NCAPD3: variants seen among roughly 807,000 people sequenced by gnomAD.
The protein encoded by NCAPD3 is condensin-2 complex subunit D3.
In NCAPD3, 105 loss-of-function variants were observed where a neutral mutation model predicts 182.9. The ratio of observed to expected loss-of-function variants is 0.57; its 90% CI spans 0.49 to 0.68. The LOEUF (loss-of-function observed/expected upper bound fraction) is 0.68, where lower values mean the gene tolerates loss of function less well. Ranked by LOEUF, NCAPD3 falls within the 30% of genes least tolerant of loss-of-function variation. The probability of loss-of-function intolerance (pLI) is 0.00; values close to 1 mark genes in which losing one functional copy is unlikely to be tolerated. For synonymous variants in NCAPD3, 815 were observed against 679.9 expected (o/e 1.20, Z -3.09); for missense variants, 1,944 against 1,837.0 (o/e 1.06, Z -1.07).
intron 7 of NCAPD3, among the ~76,000 whole-genome samples, chr11:134,208,541 A>G (rs1356399449): frequency 2.0e-5 from 3 of 152,240 alleles, no homozygotes; most frequent in Admixed American, 2.0e-4. Context: ...GTAAGTGTTC[A>G]GCAGCTCATC....
rs766818555 is a variant in NCAPD3, at chr11:134,168,202, G to C, written c.3374-7C>G. 6.2e-7 allele frequency: 1 copy of C among 1,612,510 alleles called. No individual in the cohort carries two copies. Among genetic ancestry groups the C allele is most frequent in the Non-Finnish European group, 8.5e-7 (1 of 1,178,642 alleles). The stretch of plus-strand genomic sequence containing the variant: ...ATGCCATCAGCAAAGCACGCTGAGA[G>C]ACAGAGAGAGAGAAAAACGTGAGCT... On this transcript the variant is annotated splice_region_variant and splice_polypyrimidine_tract_variant and intron_variant, in intron 26 of 34. Coordinates refer to ENST00000534548, the MANE Select transcript of NCAPD3 (RefSeq NM_015261.3).
chr11:134,185,211 T>C (rs1944378596), intron 17 of NCAPD3, 124 bp downstream of exon 17: 3 of 965,060 alleles, frequency 3.1e-6, no homozygotes, highest in Admixed American at 2.9e-5. Context: ...CTTGTTTTTA[T>C]ACCAGGTTTT....
intron 32 of NCAPD3, among the ~76,000 whole-genome samples, chr11:134,155,863 G>A (rs1355489720): frequency 6.6e-6 from 1 of 151,402 alleles, no homozygotes; most frequent in Non-Finnish European, 1.5e-5. Context: ...TCGTCTGAGG[G>A]TGGGGGTGGG....
chr11:134,219,274 C>A (rs1938138739), intron 2 of NCAPD3, among the ~76,000 whole-genome samples: 2 of 152,160 alleles, frequency 1.3e-5, no homozygotes, highest in Non-Finnish European at 2.9e-5. Context: ...CTTTTTCACA[C>A]CCTATGCAAC....
chr11:134,208,808 T>C, intron 7 of NCAPD3, 56 bp downstream of exon 7: 1 of 1,149,642 alleles, frequency 8.7e-7, no homozygotes, highest in Non-Finnish European at 1.3e-6. Flanking sequence ...TTCCATCATA[T>C]GGTTCATGTG....
intron 16 of NCAPD3, among the ~76,000 whole-genome samples, chr11:134,187,468 C>T (rs146086455): frequency 8.3e-4 from 126 of 152,226 alleles, no homozygotes; most frequent in Non-Finnish European, 1.6e-3. Flanking sequence ...TCAACCTGCC[C>T]GACTTCTGCT....
At chr11:134,174,444 C>A (rs989569438) in intron 24 of NCAPD3, among the ~76,000 whole-genome samples, 6 of 146,668 alleles carry the variant, frequency 4.1e-5, no homozygotes, top group Non-Finnish European at 7.4e-5. Context: ...AGCAGATAGG[C>A]GTAGCCTTTG....
chr11:134,194,597 A>G, intron 14 of NCAPD3, 68 bp downstream of exon 14: 1 of 1,187,542 alleles, frequency 8.4e-7, no homozygotes, highest in Non-Finnish European at 1.2e-6. Context: ...TAAGAGTTTA[A>G]AAAATATTCC....
In NCAPD3 at chr11:134,204,636, G is replaced by A. The variant is rs1944813301; in HGVS notation, c.1089+263C>T. 6.6e-6 allele frequency among the ~76,000 whole-genome samples: 1 copy of A among 152,172 alleles called. No homozygotes were observed. Among genetic ancestry groups the A allele is most frequent in the South Asian group, 2.1e-4 (1 of 4,826 alleles). ...ACAAAACTGTGGAACTCGGTGATGG[G>A]TATGTGGTGGTTCACCAGCCTATTT... On this transcript the variant is annotated intron_variant, in intron 9 of 34. Coordinates refer to ENST00000534548, the MANE Select transcript of NCAPD3 (RefSeq NM_015261.3). The surrounding 1 kb of genome is among the most constrained non-coding windows in gnomAD (Gnocchi z 4.3).
intron 24 of NCAPD3, among the ~76,000 whole-genome samples, chr11:134,174,160 G>A (rs1160497439): frequency 6.6e-6 from 1 of 151,986 alleles, no homozygotes; most frequent in African/African-American, 2.4e-5. Context: ...GAAGGCCGAG[G>A]TGGGTAGATT....
At chr11:134,225,322 A>G, upstream of NCAPD3, 1 of 1,613,944 alleles carries the variant, frequency 6.2e-7, no homozygotes, top group Non-Finnish European at 8.5e-7. Context: ...CAGGGCATCA[A>G]GATCGAGTTC....
Position 134,150,968 on chromosome 11 carries a change from C to T in NCAPD3, c.*1976G>A, listed in dbSNP as rs1316185851. 2.0e-5 allele frequency: 3 copies of T among 152,342 alleles called. No individual in the cohort carries two copies. The highest frequency in any genetic ancestry group is 2.0e-4 in the Admixed American group (3 of 15,308). 9.4% of individuals were successfully genotyped at this position (152,342 alleles called of 1,614,324 possible). ...TTTTTCATCCGCCGGAGACACTGCTCCCATTTGTGGGGGGACATTAGCAAC... is the reference window on the plus strand; with the variant it reads ...TTTTTCATCCGCCGGAGACACTGCTTCCATTTGTGGGGGGACATTAGCAAC... On this transcript the variant is annotated 3_prime_UTR_variant, in exon 35 of 35. Transcript: ENST00000534548.
chr11:134,165,887 CT>C (rs1310114057), intron 27 of NCAPD3, among the ~76,000 whole-genome samples: 1 of 112,704 alleles, frequency 8.9e-6, no homozygotes, highest in African/African-American at 3.6e-5. Context: ...GTGAGATGAG[CT>C]TGGGGGAGGG....
intron 1 of NCAPD3, chr11:134,223,204 A>G (rs912711505): frequency 1.3e-5 from 7 of 548,552 alleles, no homozygotes; most frequent in African/African-American, 1.1e-4. Flanking sequence ...TCGTTCTGCA[A>G]AAGTGTGGGG....
rs190699041 is a variant in NCAPD3 at position 134,164,709 on chromosome 11, T to C, written c.3574-2818A>G. ...ACTTGTAAAATAAGCTTAGGGGAGCTGTACACTCACTTGCGACATGAGTTT... is the reference window on the plus strand; with the variant it reads ...ACTTGTAAAATAAGCTTAGGGGAGCCGTACACTCACTTGCGACATGAGTTT... On this transcript the variant is annotated intron_variant, in intron 27 of 34. Transcript: ENST00000534548. Among the ~76,000 whole-genome samples the C allele has an allele frequency of 1.9e-4, 28 of 143,824 alleles. No homozygotes were observed. In the East Asian group the frequency reaches 5.6e-3, roughly 29 times the overall value. 94.4% of individuals were successfully genotyped at this position (143,824 alleles called of 152,430 possible). A position where few individuals can be genotyped will look rare whatever the true frequency, so the allele number is the denominator to read the frequency against.
At position 134,157,075 on chromosome 11, in the gene NCAPD3, G is replaced by C. The variant is rs1413253325; in HGVS notation, c.4195C>G (p.Gln1399Glu). 1.2e-6 allele frequency: 2 copies of C among 1,613,324 alleles called. No individual in the cohort carries two copies. Among genetic ancestry groups the C allele is most frequent in the African/African-American group, 1.3e-5 (1 of 74,834 alleles). The change falls in exon 32 of 35, where the codon CAA becomes GAA. Residue 1399 changes from glutamine (Q) to glutamate (E), a missense_variant. By Grantham distance (29) the Gln-to-Glu change is conservative. Around this residue, in one of 3 missense-constraint regions of NCAPD3, gnomAD observed 1,803 missense variants for 1,674.6 expected, o/e 1.08. Transcript: ENST00000534548. ...CSQVSSYSLE[Q>E]ESNGEIEHVT... ...TGCTCAATCTCGCCATTCGACTCTT[G>C]CTCCAAACTGTATGAAGACACTAGA...
intron 25 of NCAPD3, 41 bp downstream of exon 25, chr11:134,168,876 T>A (rs1943936358): frequency 1.3e-6 from 2 of 1,593,150 alleles, no homozygotes; most frequent in South Asian, 2.3e-5. Context: ...CCCCAGCTCT[T>A]ACCCAGATAC....
chr11:134,202,761 G>C (rs904516670), intron 13 of NCAPD3, 55 bp downstream of exon 13: 2 of 1,326,598 alleles, frequency 1.5e-6, no homozygotes, highest in Non-Finnish European at 1.1e-6. Flanking sequence ...CTCTACTTAC[G>C]GTTGTCTGAA....
In NCAPD3 at chr11:134,152,321, T is replaced by C. The variant is rs1178110087; in HGVS notation, c.*623A>G. On this transcript the variant is annotated 3_prime_UTR_variant, in exon 35 of 35. Coordinates refer to ENST00000534548, the MANE Select transcript of NCAPD3 (RefSeq NM_015261.3). ...ACTGCCCTTCAAGACAATCATCTTT[T>C]TTCTAATAGGGAAGATTTGGTTTCA... 6.6e-6 allele frequency: 1 copy of C among 152,256 alleles called. No individual in the cohort carries two copies. The highest frequency in any genetic ancestry group is 1.5e-5 in the Non-Finnish European group (1 of 68,040). 9.4% of individuals were successfully genotyped at this position (152,256 alleles called of 1,614,324 possible).
Sources: gnomAD v4.1 joint callset for allele counts (sites outside exome capture counted in the v4.1 genomes callset) on GRCh38, gnomAD v4.1.1 for gene constraint, gnomAD v4.1.1 regional missense constraint, Gnocchi (gnomAD v3.1) non-coding constraint, MANE v1.5 for transcripts, NCBI Gene and HGNC (gene_info 2026-07-23, HGNC 2026-07-21) for gene names.